The following TMEM178B variants were observed in gnomAD, a reference collection of about 807,000 sequenced individuals.
TMEM178B encodes the protein transmembrane protein 178B.
A neutral mutation model predicts 31.0 loss-of-function variants in TMEM178B; 5 were observed. That is an observed-to-expected ratio of 0.16 (90% CI 0.08 to 0.34). The LOEUF (loss-of-function observed/expected upper bound fraction) is 0.34, where lower values mean the gene tolerates loss of function less well. TMEM178B is among the 10% of genes least tolerant of loss of function. The pLI is 1.00. For synonymous variants in TMEM178B, 164 were observed against 164.0 expected (o/e 1.00, Z 0.00); for missense variants, 275 against 400.3 (o/e 0.69, Z 2.67).
At position 141,344,221 on chromosome 7, in the gene TMEM178B, A is replaced by C. The variant is rs183524542; in HGVS notation, c.497-93387A>C. ...CAGTTAACATGGATTATCTCATTTA[A>C]TATTCTATGCTATAAGGTTTTATGA... On this transcript the variant is annotated intron_variant, in intron 2 of 3. Coordinates refer to ENST00000565468, the MANE Select transcript of TMEM178B (RefSeq NM_001195278.2). The surrounding 1 kb of genome is among the most constrained non-coding windows in gnomAD (Gnocchi z 4.1). Among the ~76,000 whole-genome samples, 1 of 152,324 alleles carries C rather than the reference A, an allele frequency of 6.6e-6. No homozygotes were observed. The highest frequency in any genetic ancestry group is 2.4e-5 in the African/African-American group (1 of 41,574).
chr7:141,231,377 T>C (rs1463112701), intron 2 of TMEM178B, among the ~76,000 whole-genome samples: 1 of 152,124 alleles, frequency 6.6e-6, no homozygotes, highest in Admixed American at 6.5e-5. Context: ...TTGCAATTTG[T>C]ACAAAAATGT....
intron 2 of TMEM178B, among the ~76,000 whole-genome samples, chr7:141,252,140 C>T (rs907543954): frequency 6.6e-6 from 1 of 152,172 alleles, no homozygotes; most frequent in African/African-American, 2.4e-5. Context: ...ACTAGAAGGC[C>T]TGCCATTAGA....
intron 2 of TMEM178B, among the ~76,000 whole-genome samples, chr7:141,273,229 A>C (rs905129205): frequency 2.6e-5 from 4 of 152,188 alleles, no homozygotes; most frequent in Non-Finnish European, 5.9e-5. Context: ...TGGGAGTGGG[A>C]GAATGGGGAG....
At chr7:141,435,788 T>C (rs1422171557) in intron 2 of TMEM178B, among the ~76,000 whole-genome samples, 1 of 152,158 alleles carries the variant, frequency 6.6e-6, no homozygotes, top group East Asian at 1.9e-4. Flanking sequence ...CCCTGGGCAG[T>C]TCCCATAAGT....
intron 2 of TMEM178B, among the ~76,000 whole-genome samples, chr7:141,239,838 G>A (rs1032876968): frequency 1.1e-5 from 1 of 87,086 alleles, no homozygotes; most frequent in African/African-American, 3.0e-5. Flanking sequence ...ATGACCTGTG[G>A]CAGTGAACCT....
At chr7:141,118,582 G>T (rs547481741) in intron 1 of TMEM178B, among the ~76,000 whole-genome samples, 4 of 152,304 alleles carry the variant, frequency 2.6e-5, no homozygotes, top group East Asian at 1.9e-4. Context: ...GTGACCCCAG[G>T]GGGGAAGCTC....
chr7:141,262,635 T>G (rs1332092090), intron 2 of TMEM178B, among the ~76,000 whole-genome samples: 2 of 152,018 alleles, frequency 1.3e-5, no homozygotes, highest in African/African-American at 4.8e-5. Context: ...GGGAGACAGC[T>G]TCTCACATAC....
At chr7:141,188,660 G>A (rs1796650542) in intron 1 of TMEM178B, among the ~76,000 whole-genome samples, 1 of 152,174 alleles carries the variant, frequency 6.6e-6, no homozygotes, top group South Asian at 2.1e-4. Context: ...ACAGAAATAA[G>A]CTTACATTCT....
At chr7:141,444,036 T>G (rs115712106) in intron 3 of TMEM178B, among the ~76,000 whole-genome samples, 1 of 152,226 alleles carries the variant, frequency 6.6e-6, no homozygotes, top group African/African-American at 2.4e-5. Context: ...GTTTGCTTGT[T>G]GGAGCACTTA....
chr7:141,402,030 A>G (rs1288741703), intron 2 of TMEM178B, among the ~76,000 whole-genome samples: 7 of 152,122 alleles, frequency 4.6e-5, no homozygotes, highest in Admixed American at 4.6e-4. Context: ...GTTTTCTTTC[A>G]TTAATAACAC....
At chr7:141,237,587 G>A (rs111278890) in intron 2 of TMEM178B, among the ~76,000 whole-genome samples, 50 of 152,260 alleles carry the variant, frequency 3.3e-4, no homozygotes, top group African/African-American at 1.1e-3. Context: ...CCAAAATGTT[G>A]ACAGTGATTA....
intron 1 of TMEM178B, among the ~76,000 whole-genome samples, chr7:141,170,619 C>A (rs540818187): frequency 2.0e-5 from 3 of 152,132 alleles, no homozygotes; most frequent in African/African-American, 7.2e-5. Flanking sequence ...CTCAAATTCC[C>A]CCCCATATCT....
At chr7:141,449,440 AG>A (rs1801821746) in intron 3 of TMEM178B, among the ~76,000 whole-genome samples, 1 of 152,090 alleles carries the variant, frequency 6.6e-6, no homozygotes, top group Non-Finnish European at 1.5e-5. Flanking sequence ...GACCCAAGGA[AG>A]GGGGGCACTC....
At chr7:141,500,112 T>C in the TMEM178B span, among the ~76,000 whole-genome samples, 1 of 152,192 alleles carries the variant, frequency 6.6e-6, no homozygotes, top group Non-Finnish European at 1.5e-5. Flanking sequence ...TTGAGAATGA[T>C]AACGATAACA....
At chr7:141,208,417 C>G (rs916722978) in intron 1 of TMEM178B, among the ~76,000 whole-genome samples, 9 of 152,216 alleles carry the variant, frequency 5.9e-5, no homozygotes, top group African/African-American at 2.2e-4. Flanking sequence ...TATTAGGCAG[C>G]CCACATTCTG....
In TMEM178B at chr7:141,098,450, T is replaced by G. The variant is rs181019075; in HGVS notation, c.382+23758T>G. On this transcript the variant is annotated intron_variant, in intron 1 of 3. Transcript: ENST00000565468. ...TAAAGACATTTGTATGTAAAGTGGT[T>G]TGTCTAGGCTACTGTTTTAAGTAGC... Among the ~76,000 whole-genome samples the G allele has an allele frequency of 3.3e-5, 5 of 152,338 alleles. No homozygotes were observed. The East Asian group carries it at 9.6e-4, about 29-fold the overall frequency.
intron 2 of TMEM178B, among the ~76,000 whole-genome samples, chr7:141,356,186 G>C (rs115567481): frequency 0.026 from 3,986 of 152,290 alleles, 172 homozygotes; most frequent in African/African-American, 0.089. Flanking sequence ...ACATACAAAT[G>C]CATGTATTTT....
intron 2 of TMEM178B, among the ~76,000 whole-genome samples, chr7:141,432,932 T>A (rs1162004550): frequency 1.3e-5 from 2 of 152,186 alleles, no homozygotes; most frequent in Non-Finnish European, 2.9e-5. Flanking sequence ...TCTGTGCTGG[T>A]CATCCCCAGA....
chr7:141,238,577 G>C (rs916400863), intron 2 of TMEM178B, among the ~76,000 whole-genome samples: 6 of 152,180 alleles, frequency 3.9e-5, no homozygotes, highest in Non-Finnish European at 8.8e-5. Context: ...GAGAAGAAGA[G>C]AAAACAGGGA....
Sources: gnomAD v4.1 joint callset for allele counts (sites outside exome capture counted in the v4.1 genomes callset) on GRCh38, gnomAD v4.1.1 for gene constraint, Gnocchi (gnomAD v3.1) non-coding constraint, MANE v1.5 for transcripts, NCBI Gene and HGNC (gene_info 2026-07-23, HGNC 2026-07-21) for gene names.